Variants in HMGCLL1 observed in about 807,000 individuals in gnomAD.
HMGCLL1 encodes 3-hydroxymethyl-3-methylglutaryl-CoA lyase, cytoplasmic.
HMGCLL1 carries 36 observed loss-of-function variants against 39.1 expected under a neutral mutation model. That is an observed-to-expected ratio of 0.92 (90% CI 0.71 to 1.22). HMGCLL1 has a LOEUF of 1.22. Ranked by LOEUF, HMGCLL1 falls within the 50% of genes most tolerant of loss-of-function variation. The pLI, the probability that HMGCLL1 is intolerant of heterozygous loss-of-function variation, is 0.00. For synonymous variants in HMGCLL1, 149 were observed against 144.0 expected (o/e 1.03, Z -0.25); for missense variants, 451 against 416.5 (o/e 1.08, Z -0.72).
intron 7 of HMGCLL1, among the ~76,000 whole-genome samples, chr6:55,483,910 G>A (rs4587169): frequency 0.15 from 22,151 of 152,168 alleles, 1,976 homozygotes; most frequent in Non-Finnish European, 0.2. Context: ...AAATTCCAGA[G>A]ACAGACACAA....
intron 1 of HMGCLL1, 93 bp from the exon 2 acceptor site, chr6:55,542,233 C>CCTG: frequency 1.5e-6 from 1 of 681,396 alleles, no homozygotes. Flanking sequence ...TTGTTATACT[C>CCTG]TTACCCCAGA....
At chr6:55,636,748 T>A in the HMGCLL1 span, among the ~76,000 whole-genome samples, 1 of 152,166 alleles carries the variant, frequency 6.6e-6, no homozygotes, top group South Asian at 2.1e-4. Context: ...TAAATCTATA[T>A]AATAATAAAG....
the HMGCLL1 span, among the ~76,000 whole-genome samples, chr6:55,641,476 CTGTGTG>C: frequency 6.7e-6 from 1 of 150,324 alleles, no homozygotes; most frequent in South Asian, 2.1e-4. Flanking sequence ...GTGTGTGTGC[CTGTGTG>C]TGTGTGTGTA....
At chr6:55,630,440 T>G in the HMGCLL1 span, among the ~76,000 whole-genome samples, 1 of 152,114 alleles carries the variant, frequency 6.6e-6, no homozygotes, top group African/African-American at 2.4e-5. Flanking sequence ...ATTTACCTTG[T>G]CTCAGATGAG....
the HMGCLL1 span, among the ~76,000 whole-genome samples, chr6:55,612,011 A>G: frequency 6.6e-6 from 1 of 152,188 alleles, no homozygotes; most frequent in Non-Finnish European, 1.5e-5. Context: ...GAGGAAGTAA[A>G]ATTGTCCTTG....
chr6:55,600,163 T>C, the HMGCLL1 span, among the ~76,000 whole-genome samples: 1 of 152,074 alleles, frequency 6.6e-6, no homozygotes, highest in African/African-American at 2.4e-5. Flanking sequence ...TCTAAAATCA[T>C]ATTTCACTTC....
intron 7 of HMGCLL1, among the ~76,000 whole-genome samples, chr6:55,446,711 G>A (rs577647659): frequency 6.6e-6 from 1 of 151,986 alleles, no homozygotes; most frequent in South Asian, 2.1e-4. Flanking sequence ...TCTTGTTGCT[G>A]TATGGTCTTA....
intron 5 of HMGCLL1, chr6:55,511,947 ATACTC>A (rs976265711): frequency 6.6e-6 from 1 of 152,090 alleles, no homozygotes; most frequent in Non-Finnish European, 1.5e-5. Context: ...AGTCTCCACT[ATACTC>A]TACTCATTTT....
chr6:55,477,324 ATAT>A (rs1230041359), intron 7 of HMGCLL1, among the ~76,000 whole-genome samples: 14 of 20,964 alleles, frequency 6.7e-4, no homozygotes, highest in African/African-American at 2.0e-3. Context: ...AATATATATT[ATAT>A]TATATAATAT....
At chr6:55,590,463 G>A in the HMGCLL1 span, among the ~76,000 whole-genome samples, 1 of 152,058 alleles carries the variant, frequency 6.6e-6, no homozygotes. Context: ...AGAAAACCTA[G>A]GCAATACCAT....
At chr6:55,657,746 T>C in the HMGCLL1 span, among the ~76,000 whole-genome samples, 1 of 152,014 alleles carries the variant, frequency 6.6e-6, no homozygotes, top group Non-Finnish European at 1.5e-5. Flanking sequence ...AACAAGATCA[T>C]ATCATTTGCA....
intron 5 of HMGCLL1, among the ~76,000 whole-genome samples, chr6:55,505,335 G>C (rs889347465): frequency 6.6e-6 from 1 of 151,570 alleles, no homozygotes; most frequent in African/African-American, 2.4e-5. Flanking sequence ...ATCCTCAGAA[G>C]AGAACAATGC....
chr6:55,620,626 T>TACACAC, the HMGCLL1 span, among the ~76,000 whole-genome samples: 137 of 149,402 alleles, frequency 9.2e-4, no homozygotes, highest in South Asian at 2.1e-3. Flanking sequence ...TTTGGGGTGT[T>TACACAC]ACACACACAC....
intron 5 of HMGCLL1, chr6:55,513,827 G>A (rs964310818): frequency 6.2e-5 from 32 of 517,324 alleles, no homozygotes; most frequent in African/African-American, 3.6e-4. Flanking sequence ...TAGTTCCTCT[G>A]ATTTCAACTG....
intron 1 of HMGCLL1, among the ~76,000 whole-genome samples, chr6:55,576,581 G>C (rs1007825439): frequency 6.6e-6 from 1 of 152,170 alleles, no homozygotes; most frequent in African/African-American, 2.4e-5. Context: ...GGGTTGAAGA[G>C]GGATTCCTGG....
intron 7 of HMGCLL1, among the ~76,000 whole-genome samples, chr6:55,477,594 G>T (rs2127410314): frequency 7.2e-6 from 1 of 138,210 alleles, no homozygotes; most frequent in African/African-American, 2.8e-5. Context: ...AAAAGTACCG[G>T]ATGCCTAAAT....
chr6:55,508,523 T>G (rs1481290806), intron 5 of HMGCLL1, among the ~76,000 whole-genome samples: 1 of 151,808 alleles, frequency 6.6e-6, no homozygotes, highest in African/African-American at 2.4e-5. Flanking sequence ...ATATGAATAG[T>G]GTTTCTAAAT....
the HMGCLL1 span, among the ~76,000 whole-genome samples, chr6:55,622,107 T>C: frequency 2.6e-5 from 4 of 152,144 alleles, no homozygotes; most frequent in Non-Finnish European, 5.9e-5. Flanking sequence ...ATGCTACTGA[T>C]TTTTGTATAT....
chr6:55,603,880 AG>A, the HMGCLL1 span, among the ~76,000 whole-genome samples: 2 of 152,176 alleles, frequency 1.3e-5, no homozygotes, highest in Non-Finnish European at 2.9e-5. Context: ...ACTAAAAAGC[AG>A]TGGTTTTCTC....
Sources: allele counts gnomAD v4.1 joint callset (sites outside exome capture counted in the v4.1 genomes callset), GRCh38; gene constraint gnomAD v4.1.1; transcripts MANE v1.5; gene names NCBI Gene and HGNC (gene_info 2026-07-23, HGNC 2026-07-21).